The following FAT4 variants were observed in gnomAD, a reference collection of about 807,000 sequenced individuals.
FAT4 encodes FAT atypical cadherin 4.
Under a neutral mutation model 303.9 loss-of-function variants are expected in FAT4, and 84 were observed. That is an observed-to-expected ratio of 0.28 (90% CI 0.23 to 0.33). The LOEUF is 0.33. FAT4 is among the 10% of genes least tolerant of loss of function. FAT4 has a pLI of 1.00. For missense variants in FAT4, 6,005 were observed against 6,146.8 expected (o/e 0.98, Z 0.77); for synonymous variants, 2,307 against 2,298.8 (o/e 1.00, Z -0.10).
At chr4:125,325,143 T>C (rs925188525) in intron 2 of FAT4, among the ~76,000 whole-genome samples, 3 of 152,156 alleles carry the variant, frequency 2.0e-5, no homozygotes, top group African/African-American at 7.2e-5. Flanking sequence ...AGTGGCAGTT[T>C]CTTAAGACTT....
rs893301493 is a variant in FAT4, at chr4:125,371,957, T to A, written c.5176-26827T>A. ...TCATTGTTGGCTAGCGTGTCTGCAG[T>A]GCCTAGGACAGAACCTGGCACTTGA... On this transcript the variant is annotated intron_variant, in intron 2 of 17. Transcript: ENST00000394329. 2.6e-5 allele frequency among the ~76,000 whole-genome samples: 4 copies of A among 152,226 alleles called. No homozygotes were observed. In the East Asian group the frequency reaches 7.7e-4, roughly 29 times the overall value.
At chr4:125,380,182 C>T (rs9884777) in intron 2 of FAT4, among the ~76,000 whole-genome samples, 5,879 of 152,224 alleles carry the variant, frequency 0.039, 377 homozygotes, top group African/African-American at 0.13. Flanking sequence ...CGTGAGCCAC[C>T]GCGCCTGGTG....
chr4:125,351,278 A>T (rs893195144), intron 2 of FAT4, among the ~76,000 whole-genome samples: 2 of 151,812 alleles, frequency 1.3e-5, no homozygotes, highest in African/African-American at 4.8e-5. Context: ...AAACAATAGA[A>T]CAATTACTGA....
chr4:125,444,698 T>C (rs1725766756), intron 8 of FAT4, among the ~76,000 whole-genome samples: 1 of 152,106 alleles, frequency 6.6e-6, no homozygotes, highest in East Asian at 1.9e-4. Flanking sequence ...TTATTTTTAT[T>C]TGTGAATATT....
intron 8 of FAT4, among the ~76,000 whole-genome samples, chr4:125,443,503 A>G (rs1725730078): frequency 6.6e-6 from 1 of 150,922 alleles, no homozygotes; most frequent in Admixed American, 6.6e-5. Context: ...TAGATCTGCT[A>G]TTTATAGATT....
intron 2 of FAT4, among the ~76,000 whole-genome samples, chr4:125,379,962 G>A (rs1733478096): frequency 6.6e-6 from 1 of 151,866 alleles, no homozygotes; most frequent in Non-Finnish European, 1.5e-5. Context: ...GGCGCGATCT[G>A]GGCTCACCGC....
chr4:125,455,648 G>T (rs2126064999), intron 10 of FAT4, among the ~76,000 whole-genome samples: 1 of 152,280 alleles, frequency 6.6e-6, no homozygotes, highest in South Asian at 2.1e-4. Flanking sequence ...TTTTTTACTA[G>T]AAACTTGGCT....
chr4:125,315,281 T>G lies in FAT4; in HGVS notation c.-709T>G, dbSNP rs1246060153. On this transcript the variant is annotated 5_prime_UTR_variant, in exon 1 of 18. Transcript: ENST00000394329. ...ACAGCCCAGCGCCGACTTCGCCGCC[T>G]CCGCTGCCAACTGTGAAGGAGAGAG... Among the ~76,000 whole-genome samples, 1 of 152,032 alleles carries G rather than the reference T, an allele frequency of 6.6e-6. No individual in the cohort carries two copies. Among genetic ancestry groups the G allele is most frequent in the African/African-American group, 2.4e-5 (1 of 41,416 alleles).
rs750756704 is a variant in FAT4 at position 125,490,547 on chromosome 4, T to C, written c.13731T>C (p.Pro4577=). ...YGDDMTVRKQ[P]EGNPKPDIIE... is the part of the protein sequence containing the mutation. Reference sequence around the variant, plus strand: ...ATGACATGACTGTGAGGAAGCAGCCTGAAGGGAACCCAAAACCAGATATCA... The same window carrying C: ...ATGACATGACTGTGAGGAAGCAGCCCGAAGGGAACCCAAAACCAGATATCA... The change falls in exon 18 of 18, where the codon CCT becomes CCC. Residue 4577 remains proline (P), a synonymous_variant. Transcript: ENST00000394329. 1.2e-5 allele frequency: 19 copies of C among 1,614,146 alleles called. No homozygotes were observed. Among genetic ancestry groups the C allele is most frequent in the Admixed American group, 1.7e-5 (1 of 60,028 alleles).
chr4:125,408,458 G>A lies in FAT4; in HGVS notation c.5584G>A (p.Ala1862Thr), dbSNP rs777004693. Reference sequence around the variant, plus strand: ...TCTTTTGATAGGTTCTTTGGTAGCAGCCATTTTAGCCACGGATGATGACTC... The same window carrying A: ...TCTTTTGATAGGTTCTTTGGTAGCAACCATTTTAGCCACGGATGATGACTC... ...EDTIPGSLVA[A>T]ILATDDDSGV... The change falls in exon 5 of 18, where the codon GCC becomes ACC. Residue 1862 changes from alanine to threonine, a missense_variant. By Grantham distance (58) the Ala-to-Thr change is moderately conservative. Transcript: ENST00000394329. 9.4e-6 allele frequency: 15 copies of A among 1,595,450 alleles called. No individual in the cohort carries two copies. The highest frequency in any genetic ancestry group is 1.2e-5 in the Non-Finnish European group (14 of 1,172,512).
rs560091743 is a variant in FAT4 at position 125,427,203 on chromosome 4, TATG to T, written c.7019-7039_7019-7037del. Among the ~76,000 whole-genome samples the T allele has an allele frequency of 1.2e-4, 18 of 151,798 alleles. No individual in the cohort carries two copies. The South Asian group carries it at 2.1e-3, about 17-fold the overall frequency. ...TTTTTATTTTATAATTTTTAAAAAT[TATG>T]ATAAGATGTACTTATCATTACATTT... On this transcript the variant is annotated intron_variant, in intron 7 of 17. Transcript: ENST00000394329.
rs1265915365 is a variant in FAT4, at chr4:125,448,691, G to A, written c.7681G>A (p.Val2561Met). The A allele has an allele frequency of 1.2e-5, 19 of 1,613,814 alleles. No individual in the cohort carries two copies. Among genetic ancestry groups the A allele is most frequent in the Non-Finnish European group, 1.4e-5 (17 of 1,179,918 alleles). ...TDSTTVTVRF[V>M]NKADFPKVRA... is the part of the protein sequence containing the mutation. ...TTCTACAACAGTGACTGTTAGATTC[G>A]TGAATAAGGCCGATTTCCCTAAAGT... is the stretch of plus-strand genomic sequence containing the variant. The change falls in exon 10 of 18, where the codon GTG (valine) becomes ATG (methionine). Residue 2561 changes from valine (V) to methionine (M), a missense_variant. By Grantham distance (21) the Val-to-Met change is conservative. Coordinates refer to ENST00000394329, the MANE Select transcript of FAT4 (RefSeq NM_001291303.3).
Position 125,481,848 on chromosome 4 carries a change from C to A in FAT4, c.12822+110C>A. ...CTTTTCTTTACAACCCATTAGAGTTCCGACTAATGCTGGGCACTATTCCAA... is the reference window on the plus strand; with the variant it reads ...CTTTTCTTTACAACCCATTAGAGTTACGACTAATGCTGGGCACTATTCCAA... On this transcript the variant is annotated intron_variant, in intron 16 of 17. Transcript: ENST00000394329. 2 of 865,986 alleles carry A rather than the reference C, an allele frequency of 2.3e-6. 1 individual carries two copies. Among genetic ancestry groups the A allele is most frequent in the South Asian group, 3.3e-5 (2 of 60,890 alleles). 53.6% of individuals were successfully genotyped at this position (865,986 alleles called of 1,614,324 possible).
chr4:125,355,891 A>T (rs77335503), intron 2 of FAT4, among the ~76,000 whole-genome samples: 1 of 151,468 alleles, frequency 6.6e-6, no homozygotes, highest in Non-Finnish European at 1.5e-5. Context: ...CCTTCCCCAG[A>T]TATTCTTACA....
intron 2 of FAT4, among the ~76,000 whole-genome samples, chr4:125,328,425 G>A (rs1731243599): frequency 6.6e-6 from 1 of 152,178 alleles, no homozygotes; most frequent in South Asian, 2.1e-4. Flanking sequence ...ATTAAACAGT[G>A]ATTATAGGAC....
At chr4:125,350,641 C>A (rs1560773513) in intron 2 of FAT4, among the ~76,000 whole-genome samples, 1 of 151,646 alleles carries the variant, frequency 6.6e-6, no homozygotes, top group Admixed American at 6.6e-5. Context: ...TGGAGAAGCA[C>A]CTTTGTCCCC....
chr4:125,478,650 C>T (rs1727116515), intron 14 of FAT4, among the ~76,000 whole-genome samples: 1 of 152,056 alleles, frequency 6.6e-6, no homozygotes, highest in South Asian at 2.1e-4. Context: ...TCTGCCTCAG[C>T]CTCCGGAGTA....
intron 12 of FAT4, among the ~76,000 whole-genome samples, chr4:125,472,062 G>T (rs1442067518): frequency 8.4e-6 from 1 of 119,306 alleles, no homozygotes; most frequent in East Asian, 2.5e-4. Flanking sequence ...GACAGAGCAA[G>T]ACTCTGTCTC....
chr4:125,340,314 T>TC (rs1174442136), intron 2 of FAT4, among the ~76,000 whole-genome samples: 1 of 152,228 alleles, frequency 6.6e-6, no homozygotes, highest in Non-Finnish European at 1.5e-5. Context: ...TGAAAGTTCT[T>TC]GAAACATATT....
Sources: allele counts gnomAD v4.1 joint callset (sites outside exome capture counted in the v4.1 genomes callset), GRCh38; gene constraint gnomAD v4.1.1; transcripts MANE v1.5; gene names NCBI Gene and HGNC (gene_info 2026-07-23, HGNC 2026-07-21).